The following MYO9A variants were observed in gnomAD, a reference collection of about 807,000 sequenced individuals.
The protein encoded by MYO9A is unconventional myosin-IXa.
Under a neutral mutation model 293.3 loss-of-function variants are expected in MYO9A, and 103 were observed. The ratio of observed to expected loss-of-function variants is 0.35; its 90% confidence interval spans 0.30 to 0.41. MYO9A has a LOEUF of 0.41. Among genes scored for constraint, MYO9A ranks in the 10% least tolerant of loss-of-function variants. The pLI is 1.00. For missense variants in MYO9A, 2,685 were observed against 3,033.0 expected (o/e 0.89, Z 2.69); for synonymous variants, 1,001 against 1,035.7 (o/e 0.97, Z 0.64).
At position 71,898,064 on chromosome 15, in the gene MYO9A, G is replaced by T. The variant is rs762079265; in HGVS notation, c.4439C>A (p.Thr1480Lys). The change falls in exon 25 of 42, where the codon ACA becomes AAA. Residue 1480 changes from threonine (T) to lysine (K), a missense_variant. Around this residue, in one of 10 missense-constraint regions of MYO9A, gnomAD observed 1,434 missense variants for 1,497.7 expected, o/e 0.96. Transcript: ENST00000356056. ...GKDQIVPSLN[T>K]ESSNPVLKKL... ...CTTAAGCACAGGATTAGAAGACTCT[G>T]TATTCAAAGAAGGAACAATCTGATC... 3 of 1,614,106 alleles carry T rather than the reference G, an allele frequency of 1.9e-6. No homozygotes were observed. Among genetic ancestry groups the T allele is most frequent in the Non-Finnish European group, 2.5e-6 (3 of 1,180,024 alleles).
At chr15:71,827,841 T>C (rs1036753034) in intron 41 of MYO9A, 43 bp downstream of exon 41, 2 of 1,572,878 alleles carry the variant, frequency 1.3e-6, no homozygotes, top group Non-Finnish European at 1.7e-6. Context: ...ATTCCTCCTT[T>C]GCAAAACAAA....
intron 18 of MYO9A, among the ~76,000 whole-genome samples, chr15:71,929,404 A>G (rs1254873733): frequency 6.6e-6 from 1 of 152,136 alleles, no homozygotes; most frequent in East Asian, 1.9e-4. Context: ...CTTTTCACCA[A>G]TGAGTATAAT....
intron 13 of MYO9A, among the ~76,000 whole-genome samples, chr15:71,966,265 A>AGGGTGTGT (rs1555493717): frequency 7.4e-6 from 1 of 134,860 alleles, no homozygotes; most frequent in Non-Finnish European, 1.6e-5. Context: ...ATCCCAGGCA[A>AGGGTGTGT]GTGTGTGTGT....
chr15:72,087,233 G>A (rs1181824318), intron 1 of MYO9A, among the ~76,000 whole-genome samples: 2 of 152,182 alleles, frequency 1.3e-5, no homozygotes, highest in African/African-American at 4.8e-5. Context: ...CAGGTTGATG[G>A]GCAAGACTGC....
chr15:71,839,422 C>T (rs4777464), intron 39 of MYO9A, among the ~76,000 whole-genome samples: 39,316 of 151,386 alleles, frequency 0.26, 5,547 homozygotes, highest in East Asian at 0.39. Flanking sequence ...TTCTTTCTTT[C>T]TTTAAAGATA....
At chr15:72,106,449 G>C (rs1229779025) in intron 1 of MYO9A, among the ~76,000 whole-genome samples, 1 of 152,194 alleles carries the variant, frequency 6.6e-6, no homozygotes, top group African/African-American at 2.4e-5. Context: ...GTATGATTGT[G>C]CCACTGCACT....
At chr15:71,980,754 C>T (rs1189764140) in intron 11 of MYO9A, among the ~76,000 whole-genome samples, 1 of 152,200 alleles carries the variant, frequency 6.6e-6, no homozygotes, top group African/African-American at 2.4e-5. Context: ...AAGACGACCT[C>T]TTGAGCCCAG....
chr15:72,069,658 G>T (rs573312245), intron 1 of MYO9A, among the ~76,000 whole-genome samples: 6 of 152,256 alleles, frequency 3.9e-5, no homozygotes, highest in Admixed American at 3.9e-4. Flanking sequence ...GTAGAAACAT[G>T]TATTACTTAA....
chr15:71,836,100 A>G (rs1467742434), intron 39 of MYO9A, among the ~76,000 whole-genome samples: 1 of 152,118 alleles, frequency 6.6e-6, no homozygotes, highest in Non-Finnish European at 1.5e-5. Flanking sequence ...AGCAAACCAT[A>G]GAATGGAAGA....
intron 11 of MYO9A, among the ~76,000 whole-genome samples, chr15:71,983,510 T>G (rs1320022306): frequency 7.1e-6 from 1 of 140,032 alleles, no homozygotes; most frequent in Non-Finnish European, 1.5e-5. Context: ...GGAGTCTCGC[T>G]CTGTCACCCA....
chr15:71,914,826 A>C (rs2144684055), intron 19 of MYO9A, among the ~76,000 whole-genome samples: 1 of 152,334 alleles, frequency 6.6e-6, no homozygotes, highest in South Asian at 2.1e-4. Flanking sequence ...TTTAAAAGAC[A>C]CAATAGGATT....
At chr15:72,073,100 T>G (rs1455596874) in intron 1 of MYO9A, among the ~76,000 whole-genome samples, 1 of 152,222 alleles carries the variant, frequency 6.6e-6, no homozygotes, top group Non-Finnish European at 1.5e-5. Context: ...TCTAATAATA[T>G]GGATACTTAG....
intron 18 of MYO9A, among the ~76,000 whole-genome samples, chr15:71,919,366 T>A (rs2058095172): frequency 6.6e-6 from 1 of 151,834 alleles, no homozygotes; most frequent in African/African-American, 2.4e-5. Flanking sequence ...TTGCTTGAGC[T>A]CAGGGGGCAG....
rs1024953597 is a variant in MYO9A at position 71,848,987 on chromosome 15, G to C, written c.6714-19C>G. 3.2e-6 allele frequency: 5 copies of C among 1,566,804 alleles called. No individual in the cohort carries two copies. The highest frequency in any genetic ancestry group is 1.4e-5 in the African/African-American group (1 of 72,280). The stretch of plus-strand genomic sequence containing the variant: ...CACACAACTGAAACAGAAGGAAAGA[G>C]AAAAAAACTGTTAAGAGGTGAAGTA... On this transcript the variant is annotated intron_variant, in intron 38 of 41. Transcript: ENST00000356056.
intron 39 of MYO9A, among the ~76,000 whole-genome samples, chr15:71,843,255 C>T (rs572503633): frequency 3.2e-4 from 48 of 151,962 alleles, no homozygotes; most frequent in Middle Eastern, 3.4e-3. Flanking sequence ...ATGGTGAAAC[C>T]CCGTCTCTAC....
At chr15:71,886,830 G>T (rs1234309378) in intron 27 of MYO9A, among the ~76,000 whole-genome samples, 1 of 152,000 alleles carries the variant, frequency 6.6e-6, no homozygotes, top group Non-Finnish European at 1.5e-5. Flanking sequence ...ATTTCCAGAT[G>T]TATGTTCTTC....
chr15:72,027,049 G>T (rs145881208), intron 4 of MYO9A, among the ~76,000 whole-genome samples: 1 of 152,162 alleles, frequency 6.6e-6, no homozygotes, highest in Admixed American at 6.6e-5. Flanking sequence ...AACTCTTCTA[G>T]AGAATTGGTT....
intron 14 of MYO9A, among the ~76,000 whole-genome samples, chr15:71,955,491 G>A (rs1250735768): frequency 6.6e-6 from 1 of 152,128 alleles, no homozygotes; most frequent in Non-Finnish European, 1.5e-5. Flanking sequence ...CTAGCTTTTT[G>A]CTGAGGATTT....
At chr15:71,941,765 G>C (rs2058782598) in intron 15 of MYO9A, among the ~76,000 whole-genome samples, 1 of 151,594 alleles carries the variant, frequency 6.6e-6, no homozygotes, top group Admixed American at 6.6e-5. Context: ...TAAAGTCAAA[G>C]GAAAAAAAGG....
Sources: gnomAD v4.1 joint callset for allele counts (sites outside exome capture counted in the v4.1 genomes callset) on GRCh38, gnomAD v4.1.1 for gene constraint, gnomAD v4.1.1 regional missense constraint, MANE v1.5 for transcripts, NCBI Gene and HGNC (gene_info 2026-07-23, HGNC 2026-07-21) for gene names.